The following CYP20A1 variants were observed in gnomAD, a reference collection of about 807,000 sequenced individuals.
CYP20A1 encodes cytochrome P450 family 20 subfamily A member 1.
In CYP20A1, 61 loss-of-function variants were observed where a neutral mutation model predicts 61.4. That is an observed-to-expected ratio of 0.99 (90% CI 0.81 to 1.23). CYP20A1 has a LOEUF of 1.23. Ranked by LOEUF, CYP20A1 falls within the 50% of genes most tolerant of loss-of-function variation. The pLI is 0.00. For missense variants in CYP20A1, 530 were observed against 542.4 expected, an observed-to-expected ratio of 0.98 and a Z score of 0.23; for synonymous variants, 193 against 188.2, an observed-to-expected ratio of 1.03 and a Z score of -0.21.
At chr2:203,291,295 C>T (rs2068522613) in intron 10 of CYP20A1, among the ~76,000 whole-genome samples, 1 of 152,150 alleles carries the variant, frequency 6.6e-6, no homozygotes, top group South Asian at 2.1e-4. Context: ...CCTCAGCCTC[C>T]CAAAGTGGTG....
At chr2:203,253,720 A>C (rs1056001094) in intron 4 of CYP20A1, among the ~76,000 whole-genome samples, 1 of 152,222 alleles carries the variant, frequency 6.6e-6, no homozygotes, top group Non-Finnish European at 1.5e-5. Flanking sequence ...GAACTGGTTA[A>C]ATACAGACAT....
At chr2:203,287,215 C>CAAAAAAAA (rs1168549640) in intron 9 of CYP20A1, among the ~76,000 whole-genome samples, 31 of 47,052 alleles carry the variant, frequency 6.6e-4, no homozygotes, top group South Asian at 2.3e-3. Flanking sequence ...GACCCTATCT[C>CAAAAAAAA]AAAAAAAAAA....
At chr2:203,245,938 A>C in intron 2 of CYP20A1, 43 bp downstream of exon 2, 1 of 1,264,890 alleles carries the variant, frequency 7.9e-7, no homozygotes, top group Non-Finnish European at 1.1e-6. Context: ...TTAATTCTTC[A>C]TTATTGATAT....
At chr2:203,295,287 C>T (rs1321355987) in intron 11 of CYP20A1, among the ~76,000 whole-genome samples, 1 of 151,950 alleles carries the variant, frequency 6.6e-6, no homozygotes, top group Non-Finnish European at 1.5e-5. Context: ...GTTGCCCAGG[C>T]TGGTCTCGAA....
chr2:203,288,011 ATGT>A (rs1376168212), intron 9 of CYP20A1, among the ~76,000 whole-genome samples: 11 of 61,566 alleles, frequency 1.8e-4, no homozygotes, highest in African/African-American at 3.3e-4. Context: ...TTTTTTTTTA[ATGT>A]TGTTGTTGTT....
At chr2:203,239,530 C>G (rs1415462479) in intron 1 of CYP20A1, among the ~76,000 whole-genome samples, 1 of 152,168 alleles carries the variant, frequency 6.6e-6, no homozygotes, top group Non-Finnish European at 1.5e-5. Flanking sequence ...GGACGAGACT[C>G]CTGGGCGCGC....
intron 10 of CYP20A1, among the ~76,000 whole-genome samples, 190 bp downstream of exon 10, chr2:203,290,066 G>A (rs1490709432): frequency 1.3e-5 from 2 of 152,008 alleles, no homozygotes; most frequent in African/African-American, 2.4e-5. Context: ...TCAGCCTCCC[G>A]AGTAGCGGGG....
At position 203,305,349 on chromosome 2, in the gene CYP20A1, C is replaced by G. The variant is rs546686792; in HGVS notation, c.*8441C>G. 4 of 151,808 alleles carry G rather than the reference C, an allele frequency of 2.6e-5. No homozygotes were observed. In the East Asian group the frequency reaches 7.7e-4, roughly 29 times the overall value. The allele number at this position is 151,808 out of a possible 1,614,324, so 9.4% of individuals were successfully genotyped here. On this transcript the variant is annotated 3_prime_UTR_variant, in exon 13 of 13. Transcript: ENST00000356079. ...CCGAGTAGCTGGGACTACAGTCGCA[C>G]GCCAACCACCCCCAGCTAATTTTTT...
chr2:203,246,327 T>C (rs980297030), intron 2 of CYP20A1, among the ~76,000 whole-genome samples: 2 of 152,154 alleles, frequency 1.3e-5, no homozygotes, highest in African/African-American at 4.8e-5. Flanking sequence ...AATCAAAACA[T>C]TTCATTGCTT....
At chr2:203,279,980 G>C in intron 7 of CYP20A1, 79 bp from the exon 8 acceptor site, 2 of 874,466 alleles carry the variant, frequency 2.3e-6, no homozygotes, top group Non-Finnish European at 3.4e-6. Flanking sequence ...CTAATTTTAT[G>C]CTGTAGATTA....
intron 4 of CYP20A1, among the ~76,000 whole-genome samples, chr2:203,258,383 A>G (rs1291553735): frequency 3.4e-5 from 2 of 58,680 alleles, no homozygotes; most frequent in African/African-American, 4.7e-5. Context: ...GCAGGACCCT[A>G]TGTTTAAAAA....
intron 1 of CYP20A1, among the ~76,000 whole-genome samples, chr2:203,240,398 G>T (rs1393024793): frequency 6.6e-6 from 1 of 152,216 alleles, no homozygotes; most frequent in Non-Finnish European, 1.5e-5. Context: ...CACTAGCTAT[G>T]TGCCAGATAT....
rs1575167684 is a variant in CYP20A1 at position 203,247,058 on chromosome 2, C to T, written c.289+137C>T. The T allele has an allele frequency of 2.4e-5, 17 of 722,340 alleles. No individual in the cohort carries two copies. The East Asian group carries it at 3.4e-4, about 14-fold the overall frequency. 44.7% of individuals were successfully genotyped at this position (722,340 alleles called of 1,614,324 possible). ...GGTGGATCACATGAGGCCAGGAGTT[C>T]GAGACCAGCCTGGCCAACATGGTGA... On this transcript the variant is annotated intron_variant, in intron 3 of 12. Coordinates refer to ENST00000356079, the MANE Select transcript of CYP20A1 (RefSeq NM_177538.3).
chr2:203,289,942 A>G (rs71425992), intron 10 of CYP20A1, 66 bp downstream of exon 10: 8,566 of 417,914 alleles, frequency 0.02, 76 homozygotes, highest in Non-Finnish European at 0.028. Flanking sequence ...GTGTGTGTGT[A>G]TATATATATA....
At chr2:203,257,498 A>T (rs935131496) in intron 4 of CYP20A1, among the ~76,000 whole-genome samples, 4 of 150,314 alleles carry the variant, frequency 2.7e-5, no homozygotes, top group South Asian at 2.1e-4. Flanking sequence ...CCATTAAAAA[A>T]TTTTTTTTTT....
At chr2:203,244,334 TG>T (rs974599860) in intron 1 of CYP20A1, among the ~76,000 whole-genome samples, 3 of 152,120 alleles carry the variant, frequency 2.0e-5, no homozygotes, top group African/African-American at 7.2e-5. Flanking sequence ...CCTGAGTAGC[TG>T]GGACTACAGG....
intron 3 of CYP20A1, among the ~76,000 whole-genome samples, chr2:203,248,543 A>G (rs957078627): frequency 1.3e-5 from 2 of 152,152 alleles, no homozygotes; most frequent in Non-Finnish European, 2.9e-5. Flanking sequence ...CAAAAAAAAA[A>G]GACTCTCATA....
chr2:203,250,923 G>A (rs1426706796), intron 3 of CYP20A1, among the ~76,000 whole-genome samples: 6 of 151,822 alleles, frequency 4.0e-5, no homozygotes, highest in Admixed American at 2.0e-4. Context: ...AATTAGCCGG[G>A]CATGCTGGCA....
chr2:203,289,869 C>T lies in CYP20A1; in HGVS notation c.1076C>T (p.Pro359Leu), dbSNP rs1456868583. 4 of 1,532,568 alleles carry T rather than the reference C, an allele frequency of 2.6e-6. No homozygotes were observed. Among genetic ancestry groups the T allele is most frequent in the East Asian group, 2.3e-5 (1 of 43,642 alleles). The allele number at this position is 1,532,568 out of a possible 1,614,324, so 94.9% of individuals were successfully genotyped here. Residue 359 changes from proline to leucine, a missense_variant, in exon 10 of 13, where the codon CCT becomes CTT. By Grantham distance (98) the Pro-to-Leu change is moderately conservative. Transcript: ENST00000356079. Reference protein sequence around the residue: ...IEGKIDRFIIPRETLVLYALG... With the variant: ...IEGKIDRFIILRETLVLYALG... ...GGAAAAATTGACCGATTTATTATTC[C>T]TAGAGAGGTAGAAAACCTTTAATAT... is the stretch of plus-strand genomic sequence containing the variant.
Sources: gnomAD v4.1 joint callset for allele counts (sites outside exome capture counted in the v4.1 genomes callset) on GRCh38, gnomAD v4.1.1 for gene constraint, MANE v1.5 for transcripts, NCBI Gene and HGNC (gene_info 2026-07-23, HGNC 2026-07-21) for gene names.